NWD1: variants seen among roughly 807,000 people sequenced by gnomAD.
NWD1 encodes NACHT and WD repeat domain containing 1.
NWD1 carries 129 observed loss-of-function variants against 135.1 expected under a neutral mutation model. The ratio of observed to expected loss-of-function variants is 0.96; its 90% CI spans 0.83 to 1.11. The LOEUF is 1.11. NWD1 is among the 50% of genes least tolerant of loss of function. The pLI, the probability that NWD1 is intolerant of heterozygous loss-of-function variation, is 0.00. For synonymous variants in NWD1, 773 were observed against 786.0 expected, an observed-to-expected ratio of 0.98 and a Z score of 0.28; for missense variants, 1,740 against 1,851.3, an observed-to-expected ratio of 0.94 and a Z score of 1.10.
At chr19:16,753,165 CTCCTCTTGTAGACTCT>C (rs1258705644) in intron 6 of NWD1, among the ~76,000 whole-genome samples, 1 of 152,190 alleles carries the variant, frequency 6.6e-6, no homozygotes, top group African/African-American at 2.4e-5. Context: ...TGCACATCAA[CTCCTCTTGTAGACTCT>C]TCCTTCGGCC....
chr19:16,753,236 GC>G (rs369945542), intron 6 of NWD1, among the ~76,000 whole-genome samples: 4 of 152,282 alleles, frequency 2.6e-5, no homozygotes, highest in Middle Eastern at 6.8e-3. Flanking sequence ...GGCATCAGGA[GC>G]CCATATTTCT....
chr19:16,800,889 C>A (rs1218275320), intron 17 of NWD1, among the ~76,000 whole-genome samples: 1 of 152,092 alleles, frequency 6.6e-6, no homozygotes, highest in South Asian at 2.1e-4. Flanking sequence ...AATCACAGCA[C>A]TCTGGGAGGC....
chr19:16,776,175 G>A (rs1969592879), intron 11 of NWD1, among the ~76,000 whole-genome samples: 2 of 152,144 alleles, frequency 1.3e-5, no homozygotes, highest in Non-Finnish European at 2.9e-5. Context: ...GCAGGGAAAT[G>A]TTCTGTGTTT....
intron 18 of NWD1, among the ~76,000 whole-genome samples, chr19:16,810,772 A>T (rs374019741): frequency 5.3e-5 from 8 of 152,294 alleles, no homozygotes; most frequent in African/African-American, 1.9e-4. Context: ...CTCGAGCAAA[A>T]CTAACTAATA....
intron 5 of NWD1, among the ~76,000 whole-genome samples, chr19:16,748,862 C>T (rs1010525298): frequency 6.6e-6 from 1 of 151,916 alleles, no homozygotes; most frequent in African/African-American, 2.4e-5. Flanking sequence ...AGAGTAATGG[C>T]TTAACTAGTG....
chr19:16,734,771 A>G (rs970377618), intron 3 of NWD1, among the ~76,000 whole-genome samples: 1 of 125,710 alleles, frequency 8.0e-6, no homozygotes, highest in Non-Finnish European at 1.7e-5. Flanking sequence ...TTTATTGTAG[A>G]CACAATGTCT....
At position 16,812,671 on chromosome 19, in the gene NWD1, A is replaced by AAAAC. The variant is rs200852831; in HGVS notation, c.4288-2329_4288-2326dup. 2.8e-3 allele frequency: 2,144 copies of AAAAC among 769,068 alleles called. 10 individuals carry two copies. The highest frequency in any genetic ancestry group is 9.9e-3 in the South Asian group (726 of 73,602). 47.6% of individuals were successfully genotyped at this position (769,068 alleles called of 1,614,324 possible). A position where few individuals can be genotyped will look rare whatever the true frequency, so the allele number is the denominator to read the frequency against. On this transcript the variant is annotated intron_variant, in intron 18 of 18. Transcript: ENST00000524140. ...GCAACAAGAGTGAAACTCCATCTCA[A>AAAAC]AAACAAACAAACAAACAAACAAACA... is the stretch of plus-strand genomic sequence containing the variant.
At position 16,749,967 on chromosome 19, in the gene NWD1, T is replaced by TG; in HGVS notation, c.1327dup (p.Asp443GlyfsTer99). 1 of 1,613,856 alleles carries TG rather than the reference T, an allele frequency of 6.2e-7. No individual in the cohort carries two copies. Among genetic ancestry groups the TG allele is most frequent in the Non-Finnish European group, 8.5e-7 (1 of 1,180,022 alleles). Reference sequence around the variant, plus strand: ...CTCCTGCTGGATGCTATGGATGACCTGGACTCTGTCCGCCATGCTCGGAGG... The same window carrying TG: ...CTCCTGCTGGATGCTATGGATGACCTGGGACTCTGTCCGCCATGCTCGGAGG... On this transcript the variant is annotated frameshift_variant, in exon 6 of 19. Coordinates refer to ENST00000524140, the MANE Select transcript of NWD1 (RefSeq NM_001007525.5). LOFTEE classifies it high-confidence loss of function.
Position 16,765,211 on chromosome 19 carries a change from G to A in NWD1, c.2410+19G>A. ...GGCATGGGTGAGTCCAGATGGCCTGGATAGGAGTGACCAGGACGGGCACTG... is the reference window on the plus strand; with the variant it reads ...GGCATGGGTGAGTCCAGATGGCCTGAATAGGAGTGACCAGGACGGGCACTG... On this transcript the variant is annotated intron_variant, in intron 10 of 18. Coordinates refer to ENST00000524140, the MANE Select transcript of NWD1 (RefSeq NM_001007525.5). 1.2e-6 allele frequency: 2 copies of A among 1,612,804 alleles called. No individual in the cohort carries two copies. The highest frequency in any genetic ancestry group is 2.7e-5 in the African/African-American group (2 of 75,014).
intron 18 of NWD1, among the ~76,000 whole-genome samples, chr19:16,813,868 C>G (rs1240066911): frequency 6.6e-6 from 1 of 151,490 alleles, no homozygotes; most frequent in East Asian, 2.0e-4. Flanking sequence ...AGAGTTAACA[C>G]TGGCTGGGTG....
At chr19:16,765,506 C>A (rs950364064) in intron 10 of NWD1, among the ~76,000 whole-genome samples, 6 of 152,038 alleles carry the variant, frequency 3.9e-5, no homozygotes, top group Admixed American at 1.3e-4. Flanking sequence ...GCTAATTTTT[C>A]TATTTTTCGT....
intron 5 of NWD1, among the ~76,000 whole-genome samples, chr19:16,746,388 C>T (rs994683164): frequency 2.1e-5 from 3 of 145,578 alleles, no homozygotes; most frequent in Non-Finnish European, 4.6e-5. Flanking sequence ...ACAACATAAA[C>T]AGTTGGCCGG....
chr19:16,787,687 C>T (rs1042839013), intron 12 of NWD1, among the ~76,000 whole-genome samples: 1 of 145,914 alleles, frequency 6.9e-6, no homozygotes, highest in African/African-American at 2.5e-5. Context: ...TGGTGAAACC[C>T]CATCTCTACT....
rs747342502 is a variant in NWD1 at position 16,779,350 on chromosome 19, C to T, written c.2616C>T (p.Thr872=). ...GCCTCTGTGTGGCTGCAGGCATCACCGCCATGGCATGGGGTGTGGAGGAGA... is the reference window on the plus strand; with the variant it reads ...GCCTCTGTGTGGCTGCAGGCATCACTGCCATGGCATGGGGTGTGGAGGAGA... ...ATLSGCHKGI[T]AMAWGVEEKL... Residue 872 remains threonine, a synonymous_variant, in exon 12 of 19, where the codon ACC becomes ACT. Transcript: ENST00000524140. The T allele has an allele frequency of 1.4e-5, 22 of 1,613,754 alleles. No homozygotes were observed. Among genetic ancestry groups the T allele is most frequent in the South Asian group, 9.9e-5 (9 of 91,088 alleles).
intron 4 of NWD1, among the ~76,000 whole-genome samples, chr19:16,740,897 G>A (rs1028885705): frequency 3.3e-5 from 5 of 151,984 alleles, no homozygotes; most frequent in African/African-American, 9.7e-5. Context: ...AGTGGCTTAC[G>A]CCTGTAATCC....
At chr19:16,731,081 C>CA (rs1182895324) in intron 2 of NWD1, 111 bp from the exon 3 acceptor site, 2 of 612,764 alleles carry the variant, frequency 3.3e-6, no homozygotes, top group South Asian at 2.1e-5. Context: ...CCATTCTCCA[C>CA]AAAAAAGGGG....
chr19:16,783,552 T>C (rs1248249574), intron 12 of NWD1, among the ~76,000 whole-genome samples: 2 of 151,854 alleles, frequency 1.3e-5, no homozygotes. Flanking sequence ...GAGAATCACT[T>C]GAACCCAGGA....
intron 1 of NWD1, among the ~76,000 whole-genome samples, chr19:16,723,158 C>A (rs1365585348): frequency 6.6e-6 from 1 of 151,998 alleles, no homozygotes; most frequent in African/African-American, 2.4e-5. Flanking sequence ...CTCAGCCTCC[C>A]AAGTAGCTAG....
chr19:16,797,328 C>CTTTT (rs764836395), intron 15 of NWD1, among the ~76,000 whole-genome samples: 2 of 120,356 alleles, frequency 1.7e-5, no homozygotes, highest in African/African-American at 3.7e-5. Context: ...CAAAACATCT[C>CTTTT]TTTTTTTTTT....
Sources: gnomAD v4.1 joint callset for allele counts (sites outside exome capture counted in the v4.1 genomes callset) on GRCh38, gnomAD v4.1.1 for gene constraint, MANE v1.5 for transcripts, NCBI Gene and HGNC (gene_info 2026-07-23, HGNC 2026-07-21) for gene names.